DOCK3: variants seen among roughly 807,000 people sequenced by gnomAD.
The protein encoded by DOCK3 is dedicator of cytokinesis 3.
In DOCK3, 60 loss-of-function variants were observed where a neutral mutation model predicts 265.6. The observed-to-expected ratio is 0.23, with a 90% confidence interval of 0.18 to 0.28. DOCK3 has a LOEUF of 0.28. Among genes scored for constraint, DOCK3 ranks in the 10% least tolerant of loss-of-function variants. The pLI, the probability that DOCK3 is intolerant of heterozygous loss-of-function variation, is 1.00. For synonymous variants in DOCK3, 881 were observed against 938.0 expected (o/e 0.94, Z 1.11); for missense variants, 1,981 against 2,594.3 (o/e 0.76, Z 5.14).
In DOCK3 at chr3:50,985,821, TATTAA is replaced by T. The variant is rs1165022494; in HGVS notation, c.315+51755_315+51759del. On this transcript the variant is annotated intron_variant, in intron 5 of 52. Transcript: ENST00000266037. The stretch of plus-strand genomic sequence containing the variant: ...ATAGTATTTTAAATTTAAATTTATT[TATTAA>T]ATTAAATTAATTAAATTAAATAAAT... Among the ~76,000 whole-genome samples the T allele has an allele frequency of 6.6e-5, 10 of 151,762 alleles. 2 individuals are homozygous for T. Among genetic ancestry groups the T allele is most frequent in the African/African-American group, 2.2e-4 (9 of 41,518 alleles).
At chr3:51,238,623 C>T (rs112610348) in intron 21 of DOCK3, among the ~76,000 whole-genome samples, 2,032 of 152,172 alleles carry the variant, frequency 0.013, 53 homozygotes, top group African/African-American at 0.045. Context: ...CTCTACCCTC[C>T]GATAGGCCTC....
chr3:50,848,636 A>C (rs2046209139), intron 3 of DOCK3, among the ~76,000 whole-genome samples: 1 of 152,154 alleles, frequency 6.6e-6, no homozygotes, highest in South Asian at 2.1e-4. Context: ...CCTGTTTGTA[A>C]GTTTTCTGTT....
At chr3:51,222,862 C>G (rs1022302580) in intron 14 of DOCK3, among the ~76,000 whole-genome samples, 16 of 152,230 alleles carry the variant, frequency 1.1e-4, no homozygotes, top group African/African-American at 3.9e-4. Flanking sequence ...TGCCCAGAAA[C>G]TGTGAGCATA....
At chr3:50,879,237 C>G (rs2047893082) in intron 3 of DOCK3, among the ~76,000 whole-genome samples, 1 of 152,150 alleles carries the variant, frequency 6.6e-6, no homozygotes, top group Admixed American at 6.5e-5. Flanking sequence ...GCAAAATAAC[C>G]AGCTAACATC....
intron 1 of DOCK3, among the ~76,000 whole-genome samples, chr3:50,696,440 G>A (rs763684784): frequency 3.0e-4 from 45 of 152,330 alleles, no homozygotes; most frequent in Non-Finnish European, 5.3e-4. Flanking sequence ...ATGTACAATG[G>A]ATAGAAGTAG....
intron 23 of DOCK3, 26 bp downstream of exon 23, chr3:51,260,352 A>T (rs764427342): frequency 8.9e-6 from 14 of 1,575,150 alleles, no homozygotes; most frequent in Non-Finnish European, 1.2e-5. Context: ...GGAAGCTTTG[A>T]TGCTGGGTTC....
intron 9 of DOCK3, among the ~76,000 whole-genome samples, chr3:51,109,899 C>G (rs1282622800): frequency 1.3e-5 from 2 of 151,846 alleles, no homozygotes; most frequent in African/African-American, 2.4e-5. Flanking sequence ...TACCACTGCA[C>G]TCAAGCCTGG....
At chr3:50,730,669 A>C (rs2038144589) in intron 1 of DOCK3, among the ~76,000 whole-genome samples, 1 of 151,770 alleles carries the variant, frequency 6.6e-6, no homozygotes, top group African/African-American at 2.4e-5. Flanking sequence ...TGTCTCTACA[A>C]AAAATTAAAA....
intron 1 of DOCK3, among the ~76,000 whole-genome samples, chr3:50,681,691 T>G (rs1247513311): frequency 6.6e-6 from 1 of 152,212 alleles, no homozygotes; most frequent in Non-Finnish European, 1.5e-5. Flanking sequence ...AATTACTATG[T>G]TGGGAAATGT....
chr3:50,925,144 A>T (rs747375376), intron 4 of DOCK3, among the ~76,000 whole-genome samples: 2 of 152,138 alleles, frequency 1.3e-5, no homozygotes, highest in African/African-American at 4.8e-5. Context: ...CATGAATTCA[A>T]CTGATCTTGT....
chr3:51,249,317 G>T (rs1329739072), intron 22 of DOCK3, among the ~76,000 whole-genome samples: 1 of 144,708 alleles, frequency 6.9e-6, no homozygotes, highest in Admixed American at 6.7e-5. Context: ...GCCCCGTCCG[G>T]GAGGGAGGTG....
intron 23 of DOCK3, among the ~76,000 whole-genome samples, chr3:51,261,377 C>T (rs969925514): frequency 6.6e-5 from 10 of 152,146 alleles, no homozygotes; most frequent in Admixed American, 6.6e-4. Flanking sequence ...CAGTGCATTC[C>T]GGCCCAGATA....
intron 44 of DOCK3, among the ~76,000 whole-genome samples, 155 bp downstream of exon 44, chr3:51,357,296 C>T (rs1238574771): frequency 6.6e-6 from 1 of 152,230 alleles, no homozygotes; most frequent in Non-Finnish European, 1.5e-5. Flanking sequence ...CTCCCTATCA[C>T]TCCCTATTTC....
At chr3:51,191,811 T>C (rs1199446937) in intron 12 of DOCK3, among the ~76,000 whole-genome samples, 2 of 151,362 alleles carry the variant, frequency 1.3e-5, no homozygotes, top group Non-Finnish European at 2.9e-5. Context: ...ACAAAAACTC[T>C]TTGCCCACTT....
chr3:50,888,229 G>C (rs1260168390), intron 3 of DOCK3, among the ~76,000 whole-genome samples: 1 of 151,802 alleles, frequency 6.6e-6, no homozygotes, highest in East Asian at 1.9e-4. Flanking sequence ...GACAAACAGA[G>C]AGCCAAATCA....
intron 33 of DOCK3, among the ~76,000 whole-genome samples, chr3:51,330,481 C>T (rs1238017950): frequency 1.3e-5 from 2 of 152,118 alleles, no homozygotes; most frequent in African/African-American, 4.8e-5. Flanking sequence ...AGGATCATTG[C>T]GTGTCTTCAT....
intron 5 of DOCK3, among the ~76,000 whole-genome samples, chr3:50,997,199 G>A (rs1203102272): frequency 2.6e-5 from 4 of 152,040 alleles, no homozygotes; most frequent in Admixed American, 1.3e-4. Context: ...AAATACATTT[G>A]TTTATTTACC....
rs1205653197 is a variant in DOCK3, at chr3:51,173,885, T to G, written c.1037+13183T>G. Among the ~76,000 whole-genome samples the G allele has an allele frequency of 3.9e-5, 6 of 152,328 alleles. No homozygotes were observed. In the East Asian group the frequency reaches 7.7e-4, roughly 20 times the overall value. ...CATTTTCAGCCAATATTTCTTTAAA[T>G]TTTTCCCCCTTTTCTTTCCTCCTTC... On this transcript the variant is annotated intron_variant, in intron 12 of 52. Transcript: ENST00000266037.
At chr3:51,083,636 A>G (rs569095313) in intron 7 of DOCK3, among the ~76,000 whole-genome samples, 1 of 152,312 alleles carries the variant, frequency 6.6e-6, no homozygotes, top group South Asian at 2.1e-4. Flanking sequence ...GCTTTAGTGA[A>G]TGAAAGAAAA....
Sources: gnomAD v4.1 joint callset for allele counts (sites outside exome capture counted in the v4.1 genomes callset) on GRCh38, gnomAD v4.1.1 for gene constraint, MANE v1.5 for transcripts, NCBI Gene and HGNC (gene_info 2026-07-23, HGNC 2026-07-21) for gene names.